The following CACNB2 variants were observed in gnomAD, a reference collection of about 807,000 sequenced individuals.
CACNB2 encodes the protein voltage-dependent L-type calcium channel subunit beta-2.
A neutral mutation model predicts 73.3 loss-of-function variants in CACNB2; 42 were observed. The ratio of observed to expected loss-of-function variants is 0.57; its 90% CI spans 0.45 to 0.74. The LOEUF is 0.74. CACNB2 is among the 30% of genes least tolerant of loss of function. The probability of loss-of-function intolerance (pLI) is 0.00; values close to 1 mark genes in which losing one functional copy is unlikely to be tolerated. For synonymous variants in CACNB2, 348 were observed against 310.3 expected (o/e 1.12, Z -1.28); for missense variants, 940 against 853.0 (o/e 1.10, Z -1.27).
At chr10:18,492,551 G>A (rs1337028517) in intron 3 of CACNB2, among the ~76,000 whole-genome samples, 4 of 143,892 alleles carry the variant, frequency 2.8e-5, no homozygotes, top group African/African-American at 7.8e-5. Flanking sequence ...AACCCGGGAG[G>A]CAGAGATTGC....
chr10:18,193,307 T>C (rs1588667410), intron 2 of CACNB2, among the ~76,000 whole-genome samples: 1 of 152,040 alleles, frequency 6.6e-6, no homozygotes, highest in African/African-American at 2.4e-5. Context: ...ATTATACATT[T>C]TCCCCAGCAA....
At chr10:18,460,054 C>T (rs1040837634) in intron 3 of CACNB2, among the ~76,000 whole-genome samples, 5 of 152,124 alleles carry the variant, frequency 3.3e-5, no homozygotes, top group African/African-American at 1.2e-4. Flanking sequence ...TTAAGAAAAT[C>T]ATATCTTACA....
At chr10:18,290,923 C>T (rs1172262748) in intron 2 of CACNB2, among the ~76,000 whole-genome samples, 2 of 152,238 alleles carry the variant, frequency 1.3e-5, no homozygotes, top group African/African-American at 4.8e-5. Context: ...AAGGGCGGAG[C>T]GCCAGCACTC....
intron 3 of CACNB2, among the ~76,000 whole-genome samples, chr10:18,466,466 C>T (rs1176512916): frequency 3.9e-5 from 6 of 152,114 alleles, no homozygotes; most frequent in Non-Finnish European, 8.8e-5. Context: ...CTCCTGACCA[C>T]AAGCAATGCT....
intron 5 of CACNB2, among the ~76,000 whole-genome samples, chr10:18,503,472 T>C (rs1294171338): frequency 6.6e-6 from 1 of 152,188 alleles, no homozygotes; most frequent in East Asian, 1.9e-4. Context: ...GGTGCACACC[T>C]GTAACCCCAG....
intron 3 of CACNB2, among the ~76,000 whole-genome samples, chr10:18,478,998 C>A (rs1033062198): frequency 1.9e-4 from 29 of 151,836 alleles, no homozygotes; most frequent in African/African-American, 7.0e-4. Context: ...TTCAAGGTTG[C>A]GGTGAGTTCT....
intron 2 of CACNB2, among the ~76,000 whole-genome samples, chr10:18,374,436 G>C (rs1375821346): frequency 6.6e-6 from 1 of 152,198 alleles, no homozygotes; most frequent in African/African-American, 2.4e-5. Flanking sequence ...TATCAAATTA[G>C]TCAAGGCAAG....
In CACNB2 at chr10:18,536,294, G is replaced by A. The variant is rs899490076; in HGVS notation, c.1302+98G>A. The stretch of plus-strand genomic sequence containing the variant: ...TTTTTGGGGGACAAGGTCTTGCTCT[G>A]TTGCCCATGTTGGGAGTGCAGTGGT... On this transcript the variant is annotated intron_variant, in intron 12 of 13. Transcript: ENST00000324631. 9 of 590,856 alleles carry A rather than the reference G, an allele frequency of 1.5e-5. 1 individual carries two copies. Among genetic ancestry groups the A allele is most frequent in the African/African-American group, 2.9e-5 (1 of 34,748 alleles). The allele number at this position is 590,856 out of a possible 1,614,324, so 36.6% of individuals were successfully genotyped here. A position where few individuals can be genotyped will look rare whatever the true frequency, so the allele number is the denominator to read the frequency against.
chr10:18,337,903 C>G (rs996083193), intron 2 of CACNB2, among the ~76,000 whole-genome samples: 11 of 152,098 alleles, frequency 7.2e-5, no homozygotes, highest in South Asian at 4.1e-4. Context: ...GGATCGTTAT[C>G]TTATACCATG....
At chr10:18,409,536 T>C (rs1248012696) in intron 3 of CACNB2, among the ~76,000 whole-genome samples, 1 of 152,246 alleles carries the variant, frequency 6.6e-6, no homozygotes, top group Non-Finnish European at 1.5e-5. Flanking sequence ...GCTTGAAGTT[T>C]CGGGAAAGGC....
chr10:18,289,356 G>A (rs555798181), intron 2 of CACNB2, among the ~76,000 whole-genome samples: 4 of 144,606 alleles, frequency 2.8e-5, no homozygotes, highest in South Asian at 2.2e-4. Context: ...GTGCAGTGGC[G>A]TGATCTCGGC....
intron 3 of CACNB2, among the ~76,000 whole-genome samples, chr10:18,471,175 G>A (rs1173198571): frequency 6.6e-6 from 1 of 151,976 alleles, no homozygotes; most frequent in Non-Finnish European, 1.5e-5. Context: ...GCATGGTGGC[G>A]GGTGCCTGTA....
chr10:18,518,470 A>T, intron 8 of CACNB2, 54 bp downstream of exon 8: 1 of 1,195,610 alleles, frequency 8.4e-7, no homozygotes. Flanking sequence ...CTTCTTTGTG[A>T]TGCTGCCTCC....
In CACNB2 at chr10:18,280,462, A is replaced by G. The variant is rs141927716; in HGVS notation, c.214-121462A>G. Among the ~76,000 whole-genome samples, 558 of 152,240 alleles carry G rather than the reference A, an allele frequency of 3.7e-3. 5 individuals are homozygous for G. Among genetic ancestry groups the G allele is most frequent in the African/African-American group, 0.013 (542 of 41,566 alleles). The stretch of plus-strand genomic sequence containing the variant: ...CTAAAGTCTACTATTGAATTCGTAC[A>G]CTTAATCCCTCTCCTAGTCACTGCG... On this transcript the variant is annotated intron_variant, in intron 2 of 13. Coordinates refer to ENST00000324631, the MANE Select transcript of CACNB2 (RefSeq NM_201596.3).
At chr10:18,301,824 T>C (rs2039526463) in intron 2 of CACNB2, among the ~76,000 whole-genome samples, 1 of 151,618 alleles carries the variant, frequency 6.6e-6, no homozygotes, top group Admixed American at 6.6e-5. Context: ...AATTTTTGTA[T>C]TTTTAGTAGA....
At chr10:18,236,349 G>A (rs1398591997) in intron 2 of CACNB2, among the ~76,000 whole-genome samples, 2 of 152,248 alleles carry the variant, frequency 1.3e-5, no homozygotes, top group Non-Finnish European at 2.9e-5. Flanking sequence ...GCAGGAAAGG[G>A]CGCAAGCCCA....
intron 3 of CACNB2, among the ~76,000 whole-genome samples, chr10:18,455,076 C>G (rs12774837): frequency 6.7e-6 from 1 of 149,728 alleles, no homozygotes; most frequent in South Asian, 2.1e-4. Flanking sequence ...TACTCATTGA[C>G]GTGAAAAGTC....
chr10:18,393,305 A>T (rs541093996), intron 2 of CACNB2, among the ~76,000 whole-genome samples: 3 of 152,310 alleles, frequency 2.0e-5, no homozygotes, highest in South Asian at 4.1e-4. Context: ...TAATTTTTTT[A>T]AATTACTTAG....
chr10:18,144,433 C>T (rs2030755935), intron 1 of CACNB2, among the ~76,000 whole-genome samples: 1 of 152,234 alleles, frequency 6.6e-6, no homozygotes, highest in South Asian at 2.1e-4. Flanking sequence ...ACTGCAAATT[C>T]TTGAAAGTCC....
Sources: allele counts gnomAD v4.1 joint callset (sites outside exome capture counted in the v4.1 genomes callset), GRCh38; gene constraint gnomAD v4.1.1; transcripts MANE v1.5; gene names NCBI Gene and HGNC (gene_info 2026-07-23, HGNC 2026-07-21).